ACAP2: variants seen among roughly 807,000 people sequenced by gnomAD.
ACAP2 encodes the protein arf-GAP with coiled-coil, ANK repeat and PH domain-containing protein 2.
A neutral mutation model predicts 115.8 loss-of-function variants in ACAP2; 39 were observed. The observed-to-expected ratio is 0.34, with a 90% CI of 0.26 to 0.44. The LOEUF (loss-of-function observed/expected upper bound fraction) is 0.44, where lower values mean the gene tolerates loss of function less well. ACAP2 is among the 20% of genes least tolerant of loss of function. The pLI, the probability that ACAP2 is intolerant of heterozygous loss-of-function variation, is 1.00. For synonymous variants in ACAP2, 289 were observed against 315.8 expected (o/e 0.92, Z 0.90); for missense variants, 662 against 927.6 (o/e 0.71, Z 3.72).
intron 6 of ACAP2, 56 bp downstream of exon 6, chr3:195,342,415 A>G: frequency 6.8e-7 from 1 of 1,479,272 alleles, no homozygotes; most frequent in South Asian, 1.4e-5. Context: ...ACTCAAAAGT[A>G]ACAACCTGTT....
chr3:195,428,154 CTGT>C (rs1031907730), intron 1 of ACAP2, among the ~76,000 whole-genome samples: 1 of 151,552 alleles, frequency 6.6e-6, no homozygotes, highest in African/African-American at 2.4e-5. Flanking sequence ...ATGACACAAT[CTGT>C]TGTTGACTGG....
intron 10 of ACAP2, among the ~76,000 whole-genome samples, chr3:195,314,815 G>A (rs1011896751): frequency 6.6e-6 from 1 of 152,126 alleles, no homozygotes; most frequent in Non-Finnish European, 1.5e-5. Flanking sequence ...TTTACTCAAA[G>A]TCCAGTAAAA....
intron 6 of ACAP2, among the ~76,000 whole-genome samples, chr3:195,337,348 T>C (rs150605419): frequency 6.6e-6 from 1 of 152,282 alleles, no homozygotes; most frequent in East Asian, 1.9e-4. Flanking sequence ...ACCACCATCA[T>C]GTCTTTTCCA....
rs1014902139 is a variant in ACAP2 at position 195,332,976 on chromosome 3, A to G, written c.669+52T>C. On this transcript the variant is annotated intron_variant, in intron 8 of 22. Transcript: ENST00000326793. ...CTCCAATATGCTAAATTTCTTTAAA[A>G]ATACAAATACCAATGTATAAAACAG... 46 of 1,383,028 alleles carry G rather than the reference A, an allele frequency of 3.3e-5. 1 individual carries two copies. In the South Asian group the frequency reaches 5.7e-4, roughly 17 times the overall value. The allele number at this position is 1,383,028 out of a possible 1,614,324, so 85.7% of individuals were successfully genotyped here. A position where few individuals can be genotyped will look rare whatever the true frequency, so the allele number is the denominator to read the frequency against.
At chr3:195,290,931 T>C (rs1443807288) in intron 20 of ACAP2, among the ~76,000 whole-genome samples, 4 of 151,994 alleles carry the variant, frequency 2.6e-5, no homozygotes, top group Non-Finnish European at 5.9e-5. Context: ...GGAGGATCGC[T>C]TGAGCCTAGG....
At chr3:195,424,711 T>C (rs2108842884) in intron 1 of ACAP2, among the ~76,000 whole-genome samples, 1 of 149,312 alleles carries the variant, frequency 6.7e-6, no homozygotes, top group South Asian at 2.1e-4. Flanking sequence ...AGCCCAGGAG[T>C]TCAAGACCAG....
At chr3:195,320,036 T>C (rs1729347870) in intron 10 of ACAP2, among the ~76,000 whole-genome samples, 1 of 152,140 alleles carries the variant, frequency 6.6e-6, no homozygotes, top group Non-Finnish European at 1.5e-5. Context: ...TCTCACAAGA[T>C]ATAATGGTTT....
intron 5 of ACAP2, among the ~76,000 whole-genome samples, chr3:195,343,298 GA>G (rs1730992881): frequency 6.6e-6 from 1 of 152,144 alleles, no homozygotes; most frequent in African/African-American, 2.4e-5. Context: ...GTATACATAA[GA>G]ATCTCTACAG....
intron 17 of ACAP2, among the ~76,000 whole-genome samples, 190 bp from the exon 18 acceptor site, chr3:195,295,001 T>C (rs1727550004): frequency 6.6e-6 from 1 of 152,198 alleles, no homozygotes; most frequent in South Asian, 2.1e-4. Flanking sequence ...TCATAAAACC[T>C]GAAAATAAAC....
intron 6 of ACAP2, among the ~76,000 whole-genome samples, chr3:195,339,713 G>A (rs1388191124): frequency 3.3e-5 from 5 of 151,978 alleles, no homozygotes; most frequent in Middle Eastern, 3.4e-3. Flanking sequence ...TGGGGGTGGT[G>A]GGCATGAGGA....
At position 195,304,782 on chromosome 3, in the gene ACAP2, T is replaced by G. The variant is rs1242452860; in HGVS notation, c.1116+1729A>C. Among the ~76,000 whole-genome samples, 2 of 152,248 alleles carry G rather than the reference T, an allele frequency of 1.3e-5. 1 individual carries two copies. The highest frequency in any genetic ancestry group is 2.9e-5 in the Non-Finnish European group (2 of 68,044). ...GACTCAAAAAGACCCTGACGATGGT[T>G]GTTCCTCAACAAATGGTCCAGACTT... On this transcript the variant is annotated intron_variant, in intron 13 of 22. Coordinates refer to ENST00000326793, the MANE Select transcript of ACAP2 (RefSeq NM_012287.6).
chr3:195,401,536 G>A (rs958835293), intron 1 of ACAP2, among the ~76,000 whole-genome samples: 51 of 152,126 alleles, frequency 3.4e-4, no homozygotes, highest in Admixed American at 6.5e-5. Flanking sequence ...GCGTGGTGGT[G>A]CACGCCTGCA....
chr3:195,353,433 A>G (rs1489467156), intron 4 of ACAP2, among the ~76,000 whole-genome samples: 2 of 152,240 alleles, frequency 1.3e-5, no homozygotes, highest in Non-Finnish European at 2.9e-5. Flanking sequence ...ATGCAATCGT[A>G]TTGAGCAATA....
rs181331463 is a variant in ACAP2, at chr3:195,278,224, G to T, written c.*1104C>A. ...TCAGGGGTCTGTGAATCATGTAACCGAATACTAAAGCTATATACACGATAT... is the reference window on the plus strand; with the variant it reads ...TCAGGGGTCTGTGAATCATGTAACCTAATACTAAAGCTATATACACGATAT... On this transcript the variant is annotated 3_prime_UTR_variant, in exon 23 of 23. Coordinates refer to ENST00000326793, the MANE Select transcript of ACAP2 (RefSeq NM_012287.6). 3.9e-5 allele frequency: 6 copies of T among 152,086 alleles called. No homozygotes were observed. In the East Asian group the frequency reaches 1.2e-3, roughly 29 times the overall value. The allele number at this position is 152,086 out of a possible 1,614,324, so 9.4% of individuals were successfully genotyped here.
intron 5 of ACAP2, among the ~76,000 whole-genome samples, chr3:195,344,530 C>CT (rs1451259814): frequency 6.0e-4 from 87 of 145,922 alleles, no homozygotes; most frequent in Admixed American, 1.0e-3. Context: ...AAATCATGTA[C>CT]TTTTTTTTTT....
intron 4 of ACAP2, among the ~76,000 whole-genome samples, chr3:195,363,441 G>A (rs906758950): frequency 1.3e-5 from 2 of 152,046 alleles, no homozygotes; most frequent in East Asian, 3.9e-4. Context: ...TTGGGAGTTC[G>A]AGACCAGCCT....
At chr3:195,383,839 T>C (rs990745838) in intron 2 of ACAP2, among the ~76,000 whole-genome samples, 6 of 152,032 alleles carry the variant, frequency 3.9e-5, no homozygotes, top group Non-Finnish European at 7.4e-5. Context: ...CAGAGATAAT[T>C]ACCCCCCAAA....
intron 8 of ACAP2, among the ~76,000 whole-genome samples, chr3:195,327,633 A>G (rs1321177392): frequency 6.6e-6 from 1 of 152,158 alleles, no homozygotes; most frequent in Non-Finnish European, 1.5e-5. Context: ...AAAAAACTTA[A>G]TAAAACCATA....
chr3:195,336,673 A>G (rs560544267), intron 7 of ACAP2: 3 of 365,898 alleles, frequency 8.2e-6, no homozygotes, highest in Admixed American at 4.9e-5. Flanking sequence ...ATATGAGGAT[A>G]AAAGAAAACA....
Sources: gnomAD v4.1 joint callset for allele counts (sites outside exome capture counted in the v4.1 genomes callset) on GRCh38, gnomAD v4.1.1 for gene constraint, MANE v1.5 for transcripts, NCBI Gene and HGNC (gene_info 2026-07-23, HGNC 2026-07-21) for gene names.